Variants in LPCAT1 observed in about 807,000 individuals in gnomAD.
LPCAT1 encodes lysophosphatidylcholine acyltransferase 1.
Under a neutral mutation model 60.9 loss-of-function variants are expected in LPCAT1, and 23 were observed. The ratio of observed to expected loss-of-function variants is 0.38; its 90% CI spans 0.27 to 0.53. The LOEUF (loss-of-function observed/expected upper bound fraction) is 0.53. Among genes scored for constraint, LPCAT1 ranks in the 20% least tolerant of loss-of-function variants. LPCAT1 has a pLI of 0.82. For missense variants in LPCAT1, 622 were observed against 723.6 expected, an observed-to-expected ratio of 0.86 and a Z score of 1.61; for synonymous variants, 340 against 301.1, an observed-to-expected ratio of 1.13 and a Z score of -1.34.
rs772417625 is a variant in LPCAT1, at chr5:1,470,956, G to A, written c.1180-32C>T. On this transcript the variant is annotated intron_variant, in intron 11 of 13. Coordinates refer to ENST00000283415, the MANE Select transcript of LPCAT1 (RefSeq NM_024830.5). ...GGAGAGACGCTCTCAGCCACAGCTC[G>A]GCCGCCTTCGGCACTGGAGAAACGC... 14 of 1,588,844 alleles carry A rather than the reference G, an allele frequency of 8.8e-6. No individual in the cohort carries two copies. In the Admixed American group the frequency reaches 1.0e-4, roughly 12 times the overall value.
At chr5:1,484,955 G>T (rs1226683709) in intron 5 of LPCAT1, among the ~76,000 whole-genome samples, 2 of 152,184 alleles carry the variant, frequency 1.3e-5, no homozygotes, top group Non-Finnish European at 2.9e-5. Flanking sequence ...AGGACGGCAG[G>T]GCTGGCACAG....
intron 1 of LPCAT1, among the ~76,000 whole-genome samples, chr5:1,505,894 G>A (rs909276389): frequency 1.3e-5 from 2 of 152,234 alleles, no homozygotes; most frequent in African/African-American, 4.8e-5. Context: ...CTGACCACGT[G>A]ACGCTCCCCA....
chr5:1,474,561 C>T lies in LPCAT1; in HGVS notation c.1024G>A (p.Gly342Arg), dbSNP rs763843755. 10 of 1,613,636 alleles carry T rather than the reference C, an allele frequency of 6.2e-6. No homozygotes were observed. Among genetic ancestry groups the T allele is most frequent in the Non-Finnish European group, 8.5e-6 (10 of 1,179,908 alleles). Residue 342 changes from glycine (G) to arginine (R), a missense_variant and splice_region_variant, in exon 10 of 14, where the codon GGG becomes AGG. By Grantham distance (125) the Gly-to-Arg change is moderately radical. This residue lies in a region of LPCAT1 where 288 missense variants were observed against 283.6 expected (regional missense o/e 1.02). Coordinates refer to ENST00000283415, the MANE Select transcript of LPCAT1 (RefSeq NM_024830.5). Reference protein sequence around the residue: ...LEFARLVRGLGLKPEKLEKDL... With the variant: ...LEFARLVRGLRLKPEKLEKDL... The stretch of plus-strand genomic sequence containing the variant: ...AAGGAAGAAGAACCAGGTACTCACC[C>T]GAGGCCCCGCACGAGCCTGGCAAAT...
intron 3 of LPCAT1, among the ~76,000 whole-genome samples, chr5:1,490,436 A>G (rs1051414172): frequency 1.3e-5 from 2 of 152,164 alleles, no homozygotes; most frequent in African/African-American, 4.8e-5. Context: ...GGAGACGAAG[A>G]GGGGGAGAGA....
chr5:1,463,907 C>T, intron 13 of LPCAT1, 72 bp from the exon 14 acceptor site: 15 of 1,543,040 alleles, frequency 9.7e-6, no homozygotes, highest in Non-Finnish European at 1.3e-5. Context: ...GGCTCTTTTC[C>T]CACGGCCCTG....
intron 4 of LPCAT1, among the ~76,000 whole-genome samples, 155 bp from the exon 5 acceptor site, chr5:1,488,606 T>C (rs575795570): frequency 4.6e-5 from 7 of 152,358 alleles, no homozygotes; most frequent in African/African-American, 1.2e-4. Flanking sequence ...AAATGCATTA[T>C]GGAAGCACAC....
In LPCAT1 at chr5:1,496,364, A is replaced by G. The variant is rs953162338; in HGVS notation, c.279-1450T>C. Reference sequence around the variant, plus strand: ...CAACAGAGTGAGACTCCATCTCAAGAAAACTAAACTAAAAAATAAAGATGT... The same window carrying G: ...CAACAGAGTGAGACTCCATCTCAAGGAAACTAAACTAAAAAATAAAGATGT... On this transcript the variant is annotated intron_variant, in intron 2 of 13. Coordinates refer to ENST00000283415, the MANE Select transcript of LPCAT1 (RefSeq NM_024830.5). This position sits in a 1 kb window ranked among gnomAD's most constrained non-coding sequence, Gnocchi z 4.7. Among the ~76,000 whole-genome samples, 1 of 152,058 alleles carries G rather than the reference A, an allele frequency of 6.6e-6. No individual in the cohort carries two copies. Among genetic ancestry groups the G allele is most frequent in the Non-Finnish European group, 1.5e-5 (1 of 68,004 alleles).
Position 1,516,058 on chromosome 5 carries a change from C to T in LPCAT1, c.135+7652G>A, listed in dbSNP as rs530749555. On this transcript the variant is annotated intron_variant, in intron 1 of 13. Transcript: ENST00000283415. ...GGAGGTACAGAGGTGACCAGCCTGA[C>T]GTGCAGCTGTGGACACAGAGGGAGG... is the stretch of plus-strand genomic sequence containing the variant. Among the ~76,000 whole-genome samples the T allele has an allele frequency of 5.3e-5, 8 of 152,354 alleles. No homozygotes were observed. In the South Asian group the frequency reaches 1.4e-3, roughly 28 times the overall value.
rs191482792 is a variant in LPCAT1, at chr5:1,515,072, A to G, written c.135+8638T>C. 2.2e-3 allele frequency among the ~76,000 whole-genome samples: 341 copies of G among 152,048 alleles called. 1 individual carries two copies. Among genetic ancestry groups the G allele is most frequent in the African/African-American group, 7.8e-3 (323 of 41,348 alleles). On this transcript the variant is annotated intron_variant, in intron 1 of 13. Coordinates refer to ENST00000283415, the MANE Select transcript of LPCAT1 (RefSeq NM_024830.5). ...CCCCTGTGGTGGGAGCCCCACCCCC[A>G]GCACATCCTGCATCAGGGGATCCTG...
chr5:1,504,944 C>T (rs1436943290), intron 1 of LPCAT1, among the ~76,000 whole-genome samples: 1 of 150,994 alleles, frequency 6.6e-6, no homozygotes, highest in Admixed American at 6.6e-5. Flanking sequence ...TACAACACTG[C>T]TTCCACCAGA....
intron 2 of LPCAT1, among the ~76,000 whole-genome samples, chr5:1,498,895 A>G (rs550434019): frequency 1.3e-3 from 197 of 152,266 alleles, no homozygotes; most frequent in African/African-American, 4.6e-3. Flanking sequence ...GTGCATGCAC[A>G]TACATATGTA....
In LPCAT1 at chr5:1,496,291, G is replaced by T. The variant is rs1020294068; in HGVS notation, c.279-1377C>A. ...CAGGAGAACTGCTTGAACCCAAGGG[G>T]CGGAGGTTGCAGTGAGCCGAGATTG... On this transcript the variant is annotated intron_variant, in intron 2 of 13. Transcript: ENST00000283415. This position sits in a 1 kb window ranked among gnomAD's most constrained non-coding sequence, Gnocchi z 4.7. Among the ~76,000 whole-genome samples, 1 of 152,098 alleles carries T rather than the reference G, an allele frequency of 6.6e-6. No homozygotes were observed. Among genetic ancestry groups the T allele is most frequent in the African/African-American group, 2.4e-5 (1 of 41,410 alleles).
chr5:1,465,288 G>A (rs947218944), intron 13 of LPCAT1, among the ~76,000 whole-genome samples: 6 of 132,352 alleles, frequency 4.5e-5, no homozygotes, highest in South Asian at 2.5e-4. Context: ...ACACACGCAC[G>A]GTACTAAACA....
At chr5:1,517,201 A>G (rs562606628) in intron 1 of LPCAT1, among the ~76,000 whole-genome samples, 35 of 152,274 alleles carry the variant, frequency 2.3e-4, no homozygotes, top group African/African-American at 8.2e-4. Context: ...GGAGGCCCAC[A>G]GGACTTGGAG....
chr5:1,497,112 G>A (rs991192407), intron 2 of LPCAT1, among the ~76,000 whole-genome samples: 2 of 152,216 alleles, frequency 1.3e-5, no homozygotes, highest in African/African-American at 2.4e-5. Flanking sequence ...GAAGAGGGGT[G>A]CAAAACATCC....
chr5:1,467,195 G>A (rs1366000555), intron 12 of LPCAT1: 7 of 326,362 alleles, frequency 2.1e-5, no homozygotes, highest in Non-Finnish European at 2.8e-5. Context: ...GGCTGCCACT[G>A]GGAGGCCGCG....
intron 4 of LPCAT1, among the ~76,000 whole-genome samples, chr5:1,489,537 G>A (rs1302469692): frequency 6.6e-6 from 1 of 152,242 alleles, no homozygotes; most frequent in Non-Finnish European, 1.5e-5. Flanking sequence ...AGATGCATTT[G>A]AGAATTGTTT....
rs552670708 is a variant in LPCAT1, at chr5:1,510,380, G to A, written c.136-8777C>T. 6.6e-5 allele frequency among the ~76,000 whole-genome samples: 10 copies of A among 152,212 alleles called. No homozygotes were observed. In the South Asian group the frequency reaches 8.3e-4, roughly 13 times the overall value. ...CCGCCGCTGTCATCTCTACTCCACC[G>A]TCCTCACCAGAACCCTCGGCACCAT... On this transcript the variant is annotated intron_variant, in intron 1 of 13. Transcript: ENST00000283415.
At position 1,470,902 on chromosome 5, in the gene LPCAT1, A is replaced by G; in HGVS notation, c.1202T>C (p.Leu401Pro). 1 of 1,613,268 alleles carries G rather than the reference A, an allele frequency of 6.2e-7. No individual in the cohort carries two copies. The highest frequency in any genetic ancestry group is 8.5e-7 in the Non-Finnish European group (1 of 1,179,956). The change falls in exon 12 of 14, where the codon CTG (leucine) becomes CCG (proline). Residue 401 changes from leucine to proline, a missense_variant. Transcript: ENST00000283415. ...AGACAGGGCAACCACACACTCTCGC[A>G]GGTCCACCTCGCCGCTGCCGCTCTG... ...FDESGSGEVD[L>P]RECVVALSVV...
Sources: allele counts gnomAD v4.1 joint callset (sites outside exome capture counted in the v4.1 genomes callset), GRCh38; gene constraint gnomAD v4.1.1; regional missense constraint gnomAD v4.1.1; non-coding constraint Gnocchi (gnomAD v3.1); transcripts MANE v1.5; gene names NCBI Gene and HGNC (gene_info 2026-07-23, HGNC 2026-07-21).